The following TNIP2 variants were observed in gnomAD, a reference collection of about 807,000 sequenced individuals.
The protein encoded by TNIP2 is TNFAIP3 interacting protein 2.
A neutral mutation model predicts 43.7 loss-of-function variants in TNIP2; 30 were observed. The ratio of observed to expected loss-of-function variants is 0.69; its 90% CI spans 0.51 to 0.93. The LOEUF (loss-of-function observed/expected upper bound fraction) is 0.93. TNIP2 is among the 40% of genes least tolerant of loss of function. The pLI is 0.00. For missense variants in TNIP2, 599 were observed against 591.0 expected (o/e 1.01, Z -0.14); for synonymous variants, 260 against 254.6 (o/e 1.02, Z -0.20).
Position 2,756,323 on chromosome 4 carries a change from C to T in TNIP2, c.-34G>A. 8.5e-7 allele frequency: 1 copy of T among 1,178,154 alleles called. No individual in the cohort carries two copies. The highest frequency in any genetic ancestry group is 1.1e-6 in the Non-Finnish European group (1 of 948,566). 73.0% of individuals were successfully genotyped at this position (1,178,154 alleles called of 1,614,324 possible). ...GCCCGCCCGGGAGGCCGCGCGGCCGCCGGCAACTTCCGCGCCCGGGCCCCG... is the reference window on the plus strand; with the variant it reads ...GCCCGCCCGGGAGGCCGCGCGGCCGTCGGCAACTTCCGCGCCCGGGCCCCG... On this transcript the variant is annotated 5_prime_UTR_variant, in exon 1 of 6. Coordinates refer to ENST00000315423, the MANE Select transcript of TNIP2 (RefSeq NM_024309.4).
Position 2,744,625 on chromosome 4 carries a change from G to A in TNIP2, c.906+72C>T, listed in dbSNP as rs565545060. 7 of 1,587,260 alleles carry A rather than the reference G, an allele frequency of 4.4e-6. No individual in the cohort carries two copies. In the African/African-American group the frequency reaches 9.4e-5, roughly 21 times the overall value. The stretch of plus-strand genomic sequence containing the variant: ...TGCCACCAAGCCTTCAGCCCAGCCT[G>A]TCCCATGATTTCGGCCACCACCGGC... On this transcript the variant is annotated intron_variant, in intron 4 of 5. Transcript: ENST00000315423. The surrounding 1 kb of genome is among the most constrained non-coding windows in gnomAD (Gnocchi z 5.1).
chr4:2,745,843 T>C (rs904683538), intron 2 of TNIP2, among the ~76,000 whole-genome samples: 2 of 152,262 alleles, frequency 1.3e-5, no homozygotes, highest in African/African-American at 4.8e-5. Context: ...AATGTAAATA[T>C]TCTAAAGCCA....
chr4:2,749,336 G>C (rs989452652), intron 1 of TNIP2, among the ~76,000 whole-genome samples: 3 of 152,232 alleles, frequency 2.0e-5, no homozygotes, highest in Non-Finnish European at 2.9e-5. Context: ...AAACTCCACT[G>C]TGGTGGGTAA....
At chr4:2,746,585 C>T (rs1275969841) in intron 2 of TNIP2, among the ~76,000 whole-genome samples, 1 of 152,258 alleles carries the variant, frequency 6.6e-6, no homozygotes, top group Non-Finnish European at 1.5e-5. Flanking sequence ...AGTTCTCAGA[C>T]CAACCTTCTC....
At chr4:2,746,919 G>C (rs746133056) in intron 2 of TNIP2, among the ~76,000 whole-genome samples, 34 of 152,304 alleles carry the variant, frequency 2.2e-4, no homozygotes, top group Middle Eastern at 3.4e-3. Flanking sequence ...GGTTTCTCCT[G>C]ATGCTGAAAC....
Position 2,756,103 on chromosome 4 carries a change from G to C in TNIP2, c.187C>G (p.Leu63Val). ...ACCTGCTCCAGCAGCGCGTCCACTA[G>C]GGACGGCGCGGCGTCCCCCTCCAGC... ...AALEGDAAPS[L>V]VDALLEQVAR... The change falls in exon 1 of 6, where the codon CTA becomes GTA. Residue 63 changes from leucine (L) to valine (V), a missense_variant. Coordinates refer to ENST00000315423, the MANE Select transcript of TNIP2 (RefSeq NM_024309.4). 1.3e-6 allele frequency: 2 copies of C among 1,495,292 alleles called. No individual in the cohort carries two copies. Among genetic ancestry groups the C allele is most frequent in the African/African-American group, 1.4e-5 (1 of 69,166 alleles). The allele number at this position is 1,495,292 out of a possible 1,614,324, so 92.6% of individuals were successfully genotyped here. A position where few individuals can be genotyped will look rare whatever the true frequency, so the allele number is the denominator to read the frequency against.
chr4:2,742,032 C>A lies in TNIP2; in HGVS notation c.*225G>T. 2.5e-6 allele frequency: 1 copy of A among 403,754 alleles called. No homozygotes were observed. The highest frequency in any genetic ancestry group is 4.3e-6 in the Non-Finnish European group (1 of 231,244). The allele number at this position is 403,754 out of a possible 1,614,324, so 25.0% of individuals were successfully genotyped here. A position where few individuals can be genotyped will look rare whatever the true frequency, so the allele number is the denominator to read the frequency against. On this transcript the variant is annotated 3_prime_UTR_variant, in exon 6 of 6. Transcript: ENST00000315423. ...TGGGACCTCCCTCTGCCAGATGTTC[C>A]TGACCCCATCTCCACCTCCAGCCTC...
chr4:2,753,782 C>G (rs1221436856), intron 1 of TNIP2, among the ~76,000 whole-genome samples: 1 of 152,240 alleles, frequency 6.6e-6, no homozygotes, highest in African/African-American at 2.4e-5. Context: ...CCTGTTGGTG[C>G]AGACCAGGTG....
At chr4:2,751,965 C>T (rs1335014387) in intron 1 of TNIP2, among the ~76,000 whole-genome samples, 2 of 151,680 alleles carry the variant, frequency 1.3e-5, no homozygotes, top group East Asian at 1.9e-4. Context: ...ATTAGCCAGG[C>T]GTGCTGGTGG....
intron 1 of TNIP2, among the ~76,000 whole-genome samples, chr4:2,754,509 C>A (rs985577157): frequency 1.3e-5 from 2 of 152,228 alleles, no homozygotes; most frequent in South Asian, 2.1e-4. Flanking sequence ...CTCCGCCGCC[C>A]GGGTTCATGC....
intron 1 of TNIP2, among the ~76,000 whole-genome samples, chr4:2,751,589 G>C (rs1331486114): frequency 6.6e-6 from 1 of 151,936 alleles, no homozygotes; most frequent in Non-Finnish European, 1.5e-5. Context: ...GGGCAACATG[G>C]CGAGACCTTG....
intron 1 of TNIP2, among the ~76,000 whole-genome samples, chr4:2,752,565 T>C (rs145535741): frequency 6.0e-4 from 91 of 152,266 alleles, no homozygotes; most frequent in African/African-American, 2.0e-3. Context: ...TTCCTGCTCC[T>C]AACGGGCTCT....
In TNIP2 at chr4:2,742,221, G is replaced by A. The variant is rs370303901; in HGVS notation, c.*36C>T. On this transcript the variant is annotated 3_prime_UTR_variant, in exon 6 of 6. Transcript: ENST00000315423. ...CCCTGTCCCTGAGGGCAGCTGCACC[G>A]GGCCAGGAGGCCGCAAGGGCACGGG... 21 of 1,426,466 alleles carry A rather than the reference G, an allele frequency of 1.5e-5. No individual in the cohort carries two copies. The highest frequency in any genetic ancestry group is 4.8e-5 in the South Asian group (3 of 62,994). 88.4% of individuals were successfully genotyped at this position (1,426,466 alleles called of 1,614,324 possible).
chr4:2,748,611 G>A (rs1208257963), intron 1 of TNIP2, among the ~76,000 whole-genome samples: 1 of 134,642 alleles, frequency 7.4e-6, no homozygotes, highest in Admixed American at 6.9e-5. Context: ...GCCCACCTCA[G>A]CCTCCCAAAG....
rs1560645510 is a variant in TNIP2 at position 2,747,693 on chromosome 4, G to C, written c.529C>G (p.His177Asp). The part of the protein sequence containing the change: ...HLAKCLDERQ[H>D]AQRNVGERSP... ...CTCTCCCCCACATTCCTTTGTGCAT[G>C]CTGTCGTTCATCCAGACACTTGGCC... The change falls in exon 2 of 6, where the codon CAT (histidine) becomes GAT (aspartate). Residue 177 changes from histidine to aspartate, a missense_variant. His to Asp is a moderately conservative substitution (Grantham distance 81). Coordinates refer to ENST00000315423, the MANE Select transcript of TNIP2 (RefSeq NM_024309.4). 6.2e-7 allele frequency: 1 copy of C among 1,601,698 alleles called. No individual in the cohort carries two copies. Among genetic ancestry groups the C allele is most frequent in the African/African-American group, 1.3e-5 (1 of 75,038 alleles).
chr4:2,754,195 C>T (rs1722168891), intron 1 of TNIP2, among the ~76,000 whole-genome samples: 1 of 152,184 alleles, frequency 6.6e-6, no homozygotes, highest in Non-Finnish European at 1.5e-5. Context: ...CAGACTACTG[C>T]CTTTGCAGGC....
At chr4:2,754,358 CA>C in intron 1 of TNIP2, among the ~76,000 whole-genome samples, 1 of 152,362 alleles carries the variant, frequency 6.6e-6, no homozygotes, top group Admixed American at 6.5e-5. Context: ...AGTTTATCAT[CA>C]AAAAACAGAC....
In TNIP2 at chr4:2,744,389, G is replaced by A. The variant is rs1162359566; in HGVS notation, c.1024C>T (p.Gln342Ter). Reference sequence around the variant, plus strand: ...AGAAAAACGCCCTCATACTCTACCTGTCTCCAGGACACCTGGTGCAGCAAA... The same window carrying A: ...AGAAAAACGCCCTCATACTCTACCTATCTCCAGGACACCTGGTGCAGCAAA... Reference protein sequence around the residue: ...ASLLHQVSWRQDSREPDAGRI... With the variant: ...ASLLHQVSWR The change falls in exon 5 of 6, where the codon CAG becomes TAG. Residue 342 changes from glutamine (Q) to a stop codon, truncating the protein, a stop_gained and splice_region_variant. Coordinates refer to ENST00000315423, the MANE Select transcript of TNIP2 (RefSeq NM_024309.4). LOFTEE classifies it low-confidence loss of function (END_TRUNC). The surrounding 1 kb of genome is among the most constrained non-coding windows in gnomAD (Gnocchi z 5.1). 1 of 1,614,190 alleles carries A rather than the reference G, an allele frequency of 6.2e-7. No homozygotes were observed. Among genetic ancestry groups the A allele is most frequent in the South Asian group, 1.1e-5 (1 of 91,086 alleles).
intron 1 of TNIP2, among the ~76,000 whole-genome samples, chr4:2,749,182 G>A (rs889950799): frequency 1.3e-5 from 2 of 151,990 alleles, no homozygotes; most frequent in African/African-American, 4.8e-5. Flanking sequence ...TATAGCCCAA[G>A]CTGGTCTTAA....
Sources: gnomAD v4.1 joint callset for allele counts (sites outside exome capture counted in the v4.1 genomes callset) on GRCh38, gnomAD v4.1.1 for gene constraint, Gnocchi (gnomAD v3.1) non-coding constraint, MANE v1.5 for transcripts, NCBI Gene and HGNC (gene_info 2026-07-23, HGNC 2026-07-21) for gene names.